The following ACTN4 variants were observed in gnomAD, a reference collection of about 807,000 sequenced individuals.
ACTN4 encodes alpha-actinin-4.
A neutral mutation model predicts 114.2 loss-of-function variants in ACTN4; 18 were observed. That is an observed-to-expected ratio of 0.16 (90% CI 0.11 to 0.23). The LOEUF (loss-of-function observed/expected upper bound fraction) is 0.23, where lower values mean the gene tolerates loss of function less well. ACTN4 is among the 10% of genes least tolerant of loss of function. The probability of loss-of-function intolerance (pLI) is 1.00; values close to 1 mark genes in which losing one functional copy is unlikely to be tolerated. For synonymous variants in ACTN4, 515 were observed against 506.3 expected (o/e 1.02, Z -0.23); for missense variants, 722 against 1,262.9 (o/e 0.57, Z 6.49).
rs981125478 is a variant in ACTN4 at position 38,729,731 on chromosome 19, G to C, written c.*299G>C. ...GCCAGTGGATTCCCACAGCACAACC[G>C]GTCCCTTCCATGCCCTGGGATGCCT... On this transcript the variant is annotated 3_prime_UTR_variant, in exon 21 of 21. Coordinates refer to ENST00000252699, the MANE Select transcript of ACTN4 (RefSeq NM_004924.6). The C allele has an allele frequency of 1.9e-5, 11 of 590,536 alleles. No homozygotes were observed. Among genetic ancestry groups the C allele is most frequent in the Non-Finnish European group, 3.2e-5 (10 of 315,976 alleles). 36.6% of individuals were successfully genotyped at this position (590,536 alleles called of 1,614,324 possible).
At chr19:38,684,669 A>G (rs966884424) in intron 1 of ACTN4, among the ~76,000 whole-genome samples, 1 of 152,144 alleles carries the variant, frequency 6.6e-6, no homozygotes, top group Non-Finnish European at 1.5e-5. Context: ...TAATGGAGCA[A>G]TTATGAGTCA....
At chr19:38,651,610 C>CAA (rs1342027308) in intron 1 of ACTN4, among the ~76,000 whole-genome samples, 1 of 152,096 alleles carries the variant, frequency 6.6e-6, no homozygotes, top group Non-Finnish European at 1.5e-5. Context: ...CTCAATGTTT[C>CAA]AACCCTGACC....
At chr19:38,666,849 G>A (rs1966977698) in intron 1 of ACTN4, among the ~76,000 whole-genome samples, 1 of 152,146 alleles carries the variant, frequency 6.6e-6, no homozygotes, top group African/African-American at 2.4e-5. Flanking sequence ...CCTCGGTGCT[G>A]GGGAGCTCTG....
chr19:38,666,267 A>T (rs955464073), intron 1 of ACTN4, among the ~76,000 whole-genome samples: 1 of 151,882 alleles, frequency 6.6e-6, no homozygotes, highest in African/African-American at 2.4e-5. Flanking sequence ...AAGGCAAAAG[A>T]ATGAGGAGAA....
At chr19:38,661,948 G>A (rs951370463) in intron 1 of ACTN4, among the ~76,000 whole-genome samples, 2 of 152,086 alleles carry the variant, frequency 1.3e-5, no homozygotes, top group African/African-American at 4.8e-5. Context: ...CACCGCGCCC[G>A]GCCTGGCAGC....
chr19:38,721,491 C>T (rs754933629), intron 11 of ACTN4, 47 bp from the exon 12 acceptor site: 3 of 1,609,674 alleles, frequency 1.9e-6, no homozygotes, highest in South Asian at 1.1e-5. Flanking sequence ...AGACTCCTGC[C>T]CCACAGCTGC....
chr19:38,685,655 G>A (rs73933045), intron 1 of ACTN4, among the ~76,000 whole-genome samples: 1,743 of 152,240 alleles, frequency 0.011, 28 homozygotes, highest in African/African-American at 0.04. Context: ...CGCAGGGACC[G>A]AGTATGCATG....
Position 38,730,527 on chromosome 19 carries a change from A to G in ACTN4, c.*1095A>G, listed in dbSNP as rs1969502063. 1 of 406,700 alleles carries G rather than the reference A, an allele frequency of 2.5e-6. No homozygotes were observed. Among genetic ancestry groups the G allele is most frequent in the African/African-American group, 2.0e-5 (1 of 50,076 alleles). 25.2% of individuals were successfully genotyped at this position (406,700 alleles called of 1,614,324 possible). A position where few individuals can be genotyped will look rare whatever the true frequency, so the allele number is the denominator to read the frequency against. On this transcript the variant is annotated 3_prime_UTR_variant, in exon 21 of 21. Coordinates refer to ENST00000252699, the MANE Select transcript of ACTN4 (RefSeq NM_004924.6). ...TAATAAAACATGTAATATTTTTAAGAAGGATTCCTGCAGCATCATCTTTTT... is the reference window on the plus strand; with the variant it reads ...TAATAAAACATGTAATATTTTTAAGGAGGATTCCTGCAGCATCATCTTTTT...
chr19:38,694,606 G>A (rs1190845277), intron 1 of ACTN4, among the ~76,000 whole-genome samples: 2 of 151,930 alleles, frequency 1.3e-5, no homozygotes, highest in East Asian at 3.9e-4. Context: ...TCCCTCACTG[G>A]CCAGCACCTC....
chr19:38,699,520 C>A (rs555582227), intron 1 of ACTN4, among the ~76,000 whole-genome samples: 1 of 151,952 alleles, frequency 6.6e-6, no homozygotes, highest in African/African-American at 2.4e-5. Flanking sequence ...TTTGGGAGAC[C>A]GAGGCGGGTA....
chr19:38,728,404 C>A, intron 19 of ACTN4: 1 of 1,347,698 alleles, frequency 7.4e-7, no homozygotes, highest in Non-Finnish European at 9.8e-7. Flanking sequence ...GTCTCCCCAG[C>A]CACCCGCTCC....
intron 3 of ACTN4, among the ~76,000 whole-genome samples, 175 bp from the exon 4 acceptor site, chr19:38,704,757 CTG>C (rs1257662524): frequency 6.6e-6 from 1 of 152,234 alleles, no homozygotes; most frequent in Non-Finnish European, 1.5e-5. Flanking sequence ...TGCCTAGAGA[CTG>C]TTCCCTGCAT....
At chr19:38,704,697 G>A (rs561959035) in intron 3 of ACTN4, among the ~76,000 whole-genome samples, 38 of 152,372 alleles carry the variant, frequency 2.5e-4, no homozygotes, top group Non-Finnish European at 3.1e-4. Flanking sequence ...AGGGACCCTT[G>A]TGGCCAGAAG....
intron 6 of ACTN4, among the ~76,000 whole-genome samples, chr19:38,709,135 A>G (rs1465013449): frequency 2.0e-5 from 3 of 152,064 alleles, no homozygotes; most frequent in African/African-American, 4.8e-5. Flanking sequence ...AAATTGTATG[A>G]AAAGAGTACA....
At chr19:38,709,320 G>T in intron 6 of ACTN4, 75 bp from the exon 7 acceptor site, 1 of 1,169,022 alleles carries the variant, frequency 8.6e-7, no homozygotes. Context: ...CTCCCTCTGG[G>T]CCAGCCCTGC....
In ACTN4 at chr19:38,647,894, A is replaced by G. The variant is rs1356676348; in HGVS notation, c.149A>G (p.Lys50Arg). Residue 50 changes from lysine to arginine, a missense_variant, in exon 1 of 21, where the codon AAG (lysine) becomes AGG (arginine). By Grantham distance (26) the Lys-to-Arg change is conservative. Transcript: ENST00000252699. Reference sequence around the variant, plus strand: ...CTGCTGCTGGACCCGGCCTGGGAGAAGCAGCAGCGCAAGGTGCGCGGCCCG... The same window carrying G: ...CTGCTGCTGGACCCGGCCTGGGAGAGGCAGCAGCGCAAGGTGCGCGGCCCG... ...RDLLLDPAWE[K>R]QQRKTFTAWC... 3 of 1,504,626 alleles carry G rather than the reference A, an allele frequency of 2.0e-6. No homozygotes were observed. Among genetic ancestry groups the G allele is most frequent in the African/African-American group, 2.9e-5 (2 of 68,702 alleles). The allele number at this position is 1,504,626 out of a possible 1,614,324, so 93.2% of individuals were successfully genotyped here. A position where few individuals can be genotyped will look rare whatever the true frequency, so the allele number is the denominator to read the frequency against.
chr19:38,729,356 A>G lies in ACTN4; in HGVS notation c.2660A>G (p.Gln887Arg), dbSNP rs1969392323. ...EYCIARMAPY[Q>R]GPDAVPGALD... ...TGCATCGCCCGCATGGCGCCATACC[A>G]GGGCCCTGACGCCGTGCCCGGTGCC... The change falls in exon 21 of 21, where the codon CAG (glutamine) becomes CGG (arginine). Residue 887 changes from glutamine to arginine, a missense_variant. Around this residue, in one of 3 missense-constraint regions of ACTN4, gnomAD observed 523 missense variants for 875.9 expected, o/e 0.60. Coordinates refer to ENST00000252699, the MANE Select transcript of ACTN4 (RefSeq NM_004924.6). 6.2e-7 allele frequency: 1 copy of G among 1,612,360 alleles called. No homozygotes were observed. Among genetic ancestry groups the G allele is most frequent in the Non-Finnish European group, 8.5e-7 (1 of 1,179,910 alleles).
Position 38,730,122 on chromosome 19 carries a change from A to G in ACTN4, c.*690A>G, listed in dbSNP as rs1216523949. 6.9e-6 allele frequency: 1 copy of G among 145,536 alleles called. No homozygotes were observed. Among genetic ancestry groups the G allele is most frequent in the Admixed American group, 6.9e-5 (1 of 14,560 alleles). The allele number at this position is 145,536 out of a possible 1,614,324, so 9.0% of individuals were successfully genotyped here. A position where few individuals can be genotyped will look rare whatever the true frequency, so the allele number is the denominator to read the frequency against. On this transcript the variant is annotated 3_prime_UTR_variant, in exon 21 of 21. Transcript: ENST00000252699. The stretch of plus-strand genomic sequence containing the variant: ...AAAAAAGGAAAAAAAACACAAAACA[A>G]CAAAAACCAAAAAAAAAAAAAATCA...
chr19:38,676,351 C>G (rs1967374115), intron 1 of ACTN4, among the ~76,000 whole-genome samples: 2 of 152,162 alleles, frequency 1.3e-5, no homozygotes, highest in African/African-American at 4.8e-5. Flanking sequence ...CTTACTCATC[C>G]CCGATTATCT....
Sources: gnomAD v4.1 joint callset for allele counts (sites outside exome capture counted in the v4.1 genomes callset) on GRCh38, gnomAD v4.1.1 for gene constraint, gnomAD v4.1.1 regional missense constraint, MANE v1.5 for transcripts, NCBI Gene and HGNC (gene_info 2026-07-23, HGNC 2026-07-21) for gene names.